ZNF704: variants seen among roughly 807,000 people sequenced by gnomAD.
ZNF704 encodes the protein zinc finger protein 704.
In ZNF704, 10 loss-of-function variants were observed where a neutral mutation model predicts 44.7. The observed-to-expected ratio is 0.22, with a 90% CI of 0.14 to 0.38. The LOEUF is 0.38. ZNF704 is among the 10% of genes least tolerant of loss of function. The pLI is 1.00. For synonymous variants in ZNF704, 211 were observed against 207.6 expected (o/e 1.02, Z -0.14); for missense variants, 390 against 545.5 (o/e 0.71, Z 2.84).
intron 2 of ZNF704, among the ~76,000 whole-genome samples, chr8:80,731,702 T>C (rs1056130353): frequency 6.6e-6 from 1 of 152,070 alleles, no homozygotes; most frequent in Non-Finnish European, 1.5e-5. Flanking sequence ...TCCAAGGCTG[T>C]GGTGAGCTAT....
intron 1 of ZNF704, among the ~76,000 whole-genome samples, chr8:80,846,410 A>ACACACACG (rs1248854529): frequency 1.3e-5 from 2 of 149,618 alleles, no homozygotes; most frequent in Admixed American, 6.6e-5. Flanking sequence ...ATACACACAC[A>ACACACACG]CACACACACA....
intron 2 of ZNF704, among the ~76,000 whole-genome samples, chr8:80,783,240 A>G (rs1807559209): frequency 6.6e-6 from 1 of 152,196 alleles, no homozygotes; most frequent in African/African-American, 2.4e-5. Context: ...AGGCCTGTCC[A>G]TCTAAGAAAG....
rs117948437 is a variant in ZNF704 at position 80,744,691 on chromosome 8, C to T, written c.222-51584G>A. Among the ~76,000 whole-genome samples, 57 of 152,260 alleles carry T rather than the reference C, an allele frequency of 3.7e-4. No individual in the cohort carries two copies. The East Asian group carries it at 8.5e-3, about 23-fold the overall frequency. On this transcript the variant is annotated intron_variant, in intron 2 of 8. Transcript: ENST00000327835. ...TTTATTTATGCACAGAGCCAGGGAA[C>T]GGGTGATCTTTGCTCAAAATAATGT...
chr8:80,881,378 A>G, the ZNF704 span, among the ~76,000 whole-genome samples: 1 of 152,242 alleles, frequency 6.6e-6, no homozygotes, highest in Non-Finnish European at 1.5e-5. Flanking sequence ...GAAAGGAGGA[A>G]AGGACTCATG....
intron 2 of ZNF704, among the ~76,000 whole-genome samples, chr8:80,773,069 T>C (rs1021217067): frequency 2.0e-5 from 3 of 152,218 alleles, no homozygotes; most frequent in Non-Finnish European, 2.9e-5. Flanking sequence ...GTTACCTTTC[T>C]ATTATTCATT....
At chr8:80,800,282 A>C (rs1483602637) in intron 2 of ZNF704, among the ~76,000 whole-genome samples, 1 of 152,226 alleles carries the variant, frequency 6.6e-6, no homozygotes, top group East Asian at 1.9e-4. Context: ...CCAACTTAGA[A>C]AGACAGGCCA....
rs577946502 is a variant in ZNF704, at chr8:80,841,049, C to A, written c.-21-19434G>T. On this transcript the variant is annotated intron_variant, in intron 1 of 8. Coordinates refer to ENST00000327835, the MANE Select transcript of ZNF704 (RefSeq NM_001033723.3). ...CACATAGCCAGGAGAGAAGTCCAAC[C>A]ACATCACAAGTCTGAGCTAGCAAGA... is the stretch of plus-strand genomic sequence containing the variant. Among the ~76,000 whole-genome samples, 7 of 152,274 alleles carry A rather than the reference C, an allele frequency of 4.6e-5. No homozygotes were observed. The East Asian group carries it at 1.4e-3, about 29-fold the overall frequency.
chr8:80,708,149 T>C (rs1316577121), intron 2 of ZNF704, among the ~76,000 whole-genome samples: 6 of 152,252 alleles, frequency 3.9e-5, no homozygotes, highest in Non-Finnish European at 8.8e-5. Context: ...ACGGTAATTC[T>C]GTCATTTAAA....
chr8:80,845,176 C>T (rs1444666699), intron 1 of ZNF704, among the ~76,000 whole-genome samples: 1 of 152,168 alleles, frequency 6.6e-6, no homozygotes, highest in Non-Finnish European at 1.5e-5. Flanking sequence ...AGCATGTAGG[C>T]CATGCCCTTC....
chr8:80,834,587 C>T (rs60567449), intron 1 of ZNF704, among the ~76,000 whole-genome samples: 7,467 of 152,168 alleles, frequency 0.049, 586 homozygotes, highest in African/African-American at 0.17. Flanking sequence ...CATAGATATA[C>T]GTGTGCCATG....
chr8:80,636,415 A>C lies in ZNF704; in HGVS notation c.*4951T>G, dbSNP rs965369971. ...GGCTTTTTCAAAGTCAGTCATAATAAGCAAACCAGTTGGTCTTAAATACAT... is the reference window on the plus strand; with the variant it reads ...GGCTTTTTCAAAGTCAGTCATAATACGCAAACCAGTTGGTCTTAAATACAT... On this transcript the variant is annotated 3_prime_UTR_variant, in exon 9 of 9. Coordinates refer to ENST00000327835, the MANE Select transcript of ZNF704 (RefSeq NM_001033723.3). 6.6e-6 allele frequency: 1 copy of C among 152,252 alleles called. No individual in the cohort carries two copies. The highest frequency in any genetic ancestry group is 6.5e-5 in the Admixed American group (1 of 15,288). 9.4% of individuals were successfully genotyped at this position (152,252 alleles called of 1,614,324 possible). A position where few individuals can be genotyped will look rare whatever the true frequency, so the allele number is the denominator to read the frequency against.
At chr8:80,670,125 TCA>T (rs967711342) in intron 5 of ZNF704, among the ~76,000 whole-genome samples, 96 of 152,318 alleles carry the variant, frequency 6.3e-4, no homozygotes, top group African/African-American at 2.2e-3. Flanking sequence ...TGAAGTCCAA[TCA>T]CAGATTCCAG....
chr8:80,648,469 C>G (rs923874129), intron 7 of ZNF704, among the ~76,000 whole-genome samples: 1 of 152,160 alleles, frequency 6.6e-6, no homozygotes, highest in Non-Finnish European at 1.5e-5. Flanking sequence ...GGTGGAGAAA[C>G]CAAGGGAGTA....
chr8:80,732,952 TA>T (rs59640222), intron 2 of ZNF704, among the ~76,000 whole-genome samples: 137 of 78,654 alleles, frequency 1.7e-3, no homozygotes, highest in East Asian at 0.014. Context: ...AGACCTTGCC[TA>T]AAAAAAAAAA....
At chr8:80,750,924 A>G (rs572354129) in intron 2 of ZNF704, among the ~76,000 whole-genome samples, 17 of 152,312 alleles carry the variant, frequency 1.1e-4, no homozygotes, top group African/African-American at 3.4e-4. Flanking sequence ...ATCTCTGAAG[A>G]CATCTTGGGG....
chr8:80,749,307 G>A (rs866108235), intron 2 of ZNF704, among the ~76,000 whole-genome samples: 2 of 152,034 alleles, frequency 1.3e-5, no homozygotes, highest in East Asian at 1.9e-4. Flanking sequence ...CCTGCACCTC[G>A]CCCCACTTTT....
intron 2 of ZNF704, among the ~76,000 whole-genome samples, chr8:80,802,876 T>C (rs989270489): frequency 3.9e-5 from 6 of 152,126 alleles, no homozygotes; most frequent in African/African-American, 1.2e-4. Flanking sequence ...GGTATTCAAA[T>C]AGGAAGAGAG....
chr8:80,790,341 T>C (rs1807682918), intron 2 of ZNF704, among the ~76,000 whole-genome samples: 1 of 151,954 alleles, frequency 6.6e-6, no homozygotes, highest in African/African-American at 2.4e-5. Context: ...GGGGAGGACA[T>C]GGATCAGTGG....
rs1002383712 is a variant in ZNF704, at chr8:80,636,235, T to C, written c.*5131A>G. 8 of 152,230 alleles carry C rather than the reference T, an allele frequency of 5.3e-5. No individual in the cohort carries two copies. Among genetic ancestry groups the C allele is most frequent in the African/African-American group, 1.7e-4 (7 of 41,462 alleles). The allele number at this position is 152,230 out of a possible 1,614,324, so 9.4% of individuals were successfully genotyped here. Reference sequence around the variant, plus strand: ...TATGTTTTGCCAAGACATATTACCATTGTGATTCTCAGACCCACAACAAAA... The same window carrying C: ...TATGTTTTGCCAAGACATATTACCACTGTGATTCTCAGACCCACAACAAAA... On this transcript the variant is annotated 3_prime_UTR_variant, in exon 9 of 9. Coordinates refer to ENST00000327835, the MANE Select transcript of ZNF704 (RefSeq NM_001033723.3).
Sources: gnomAD v4.1 joint callset for allele counts (sites outside exome capture counted in the v4.1 genomes callset) on GRCh38, gnomAD v4.1.1 for gene constraint, MANE v1.5 for transcripts, NCBI Gene and HGNC (gene_info 2026-07-23, HGNC 2026-07-21) for gene names.